The following NT5DC3 variants were observed in gnomAD, a reference collection of about 807,000 sequenced individuals.
NT5DC3 encodes 5'-nucleotidase domain containing 3, also known as 5'-nucleotidase domain-containing protein 3.
Under a neutral mutation model 67.8 loss-of-function variants are expected in NT5DC3, and 42 were observed. The ratio of observed to expected loss-of-function variants is 0.62; its 90% CI spans 0.48 to 0.80. The LOEUF is 0.80. NT5DC3 is among the 30% of genes least tolerant of loss of function. The pLI is 0.00. For synonymous variants in NT5DC3, 237 were observed against 255.6 expected (o/e 0.93, Z 0.69); for missense variants, 570 against 696.4 (o/e 0.82, Z 2.04).
chr12:103,792,494 A>T (rs1886109525), intron 9 of NT5DC3, among the ~76,000 whole-genome samples: 1 of 152,190 alleles, frequency 6.6e-6, no homozygotes, highest in Non-Finnish European at 1.5e-5. Context: ...TTAGAACCCT[A>T]GTGCAGTGAT....
the NT5DC3 span, chr12:103,758,084 T>C: frequency 5.1e-6 from 8 of 1,578,974 alleles, no homozygotes; most frequent in Middle Eastern, 1.9e-4. Flanking sequence ...TATTCACAGA[T>C]GGGTGATGCC....
At chr12:103,794,741 T>C (rs144336603) in intron 6 of NT5DC3, among the ~76,000 whole-genome samples, 1 of 152,328 alleles carries the variant, frequency 6.6e-6, no homozygotes, top group East Asian at 1.9e-4. Context: ...ACAAATAGCT[T>C]ACAAGTTCCT....
downstream of NT5DC3, chr12:103,770,849 C>T (rs1032796993): frequency 2.6e-5 from 4 of 152,228 alleles, no homozygotes; most frequent in African/African-American, 9.6e-5. Context: ...GTAAGTGAGC[C>T]TGTAAGCCTT....
chr12:103,755,689 T>C, the NT5DC3 span: 1 of 1,614,162 alleles, frequency 6.2e-7, no homozygotes, highest in Non-Finnish European at 8.5e-7. Flanking sequence ...GGTCCTGATG[T>C]CCTTCCCCTC....
chr12:103,835,980 CAG>C lies in NT5DC3; in HGVS notation c.208+4967_208+4968del, dbSNP rs1366605997. ...CGGCAGCAACAGAAAAATGAAGCAG[CAG>C]CAAAAGCGGAAACCCCTGATAAGCC... On this transcript the variant is annotated intron_variant, in intron 1 of 13. Coordinates refer to ENST00000392876, the MANE Select transcript of NT5DC3 (RefSeq NM_001031701.3). Among the ~76,000 whole-genome samples the C allele has an allele frequency of 2.6e-4, 39 of 152,252 alleles. No homozygotes were observed. In the South Asian group the frequency reaches 3.9e-3, roughly 15 times the overall value.
chr12:103,794,296 C>G (rs765914913), intron 6 of NT5DC3, among the ~76,000 whole-genome samples: 28 of 88,794 alleles, frequency 3.2e-4, no homozygotes, highest in Non-Finnish European at 6.1e-4. Flanking sequence ...ATTACAGGCG[C>G]CCGCCAGCAC....
chr12:103,826,484 G>C (rs1056742573), intron 1 of NT5DC3, among the ~76,000 whole-genome samples: 2 of 152,228 alleles, frequency 1.3e-5, no homozygotes. Flanking sequence ...GAAAGCCATT[G>C]CTGGCTTTGA....
chr12:103,754,764 T>C, the NT5DC3 span, among the ~76,000 whole-genome samples: 4 of 152,006 alleles, frequency 2.6e-5, no homozygotes, highest in Non-Finnish European at 5.9e-5. Flanking sequence ...AGCCTGATCA[T>C]GGAGAAACCC....
At chr12:103,755,339 C>T in the NT5DC3 span, 1 of 1,614,008 alleles carries the variant, frequency 6.2e-7, no homozygotes, top group Non-Finnish European at 8.5e-7. Flanking sequence ...TGGCTGGAGA[C>T]CGGGCGGGTT....
At chr12:103,755,429 A>G in the NT5DC3 span, 1 of 1,614,050 alleles carries the variant, frequency 6.2e-7, no homozygotes, top group African/African-American at 1.3e-5. Flanking sequence ...AGACCCAACA[A>G]GAGTGAAATG....
At chr12:103,748,201 A>C in the NT5DC3 span, among the ~76,000 whole-genome samples, 3 of 152,198 alleles carry the variant, frequency 2.0e-5, no homozygotes, top group Non-Finnish European at 4.4e-5. Flanking sequence ...GTCAGCATTC[A>C]ACAATGGCAA....
the NT5DC3 span, among the ~76,000 whole-genome samples, chr12:103,762,986 C>G: frequency 1.3e-5 from 2 of 152,236 alleles, no homozygotes; most frequent in Admixed American, 1.3e-4. Flanking sequence ...GGCCCACCCT[C>G]TCCTCAAAAC....
chr12:103,831,208 G>T (rs1593440572), intron 1 of NT5DC3, among the ~76,000 whole-genome samples: 2 of 152,166 alleles, frequency 1.3e-5, no homozygotes, highest in South Asian at 4.1e-4. Flanking sequence ...GTGATAGTGA[G>T]TGAGTCTCAT....
At chr12:103,792,207 T>C (rs1886097995) in intron 9 of NT5DC3, among the ~76,000 whole-genome samples, 1 of 152,216 alleles carries the variant, frequency 6.6e-6, no homozygotes, top group South Asian at 2.1e-4. Flanking sequence ...CCACAGTTTA[T>C]AGCTGTTTTT....
chr12:103,754,108 C>A, the NT5DC3 span, among the ~76,000 whole-genome samples: 43 of 152,076 alleles, frequency 2.8e-4, no homozygotes, highest in Non-Finnish European at 4.9e-4. Context: ...CTTCTCCAAC[C>A]TCCATCACTA....
chr12:103,764,840 G>A, the NT5DC3 span, among the ~76,000 whole-genome samples: 2 of 152,054 alleles, frequency 1.3e-5, no homozygotes, highest in Non-Finnish European at 1.5e-5. Context: ...GCTCATGCGT[G>A]TAATCCCAGC....
At chr12:103,793,852 C>T in intron 7 of NT5DC3, 85 bp downstream of exon 7, 1 of 1,114,458 alleles carries the variant, frequency 9.0e-7, no homozygotes, top group Non-Finnish European at 1.4e-6. Context: ...CTGCTTAGCA[C>T]CTGGAATGCA....
At chr12:103,761,596 C>G in the NT5DC3 span, among the ~76,000 whole-genome samples, 1 of 151,996 alleles carries the variant, frequency 6.6e-6, no homozygotes, top group East Asian at 1.9e-4. Flanking sequence ...ATCCCCACTC[C>G]CAAGCATTAG....
At position 103,778,049 on chromosome 12, in the gene NT5DC3, A is replaced by T. The variant is rs1406594135; in HGVS notation, c.1427T>A (p.Phe476Tyr). 1 of 1,613,780 alleles carries T rather than the reference A, an allele frequency of 6.2e-7. No individual in the cohort carries two copies. Among genetic ancestry groups the T allele is most frequent in the Admixed American group, 1.7e-5 (1 of 59,952 alleles). ...CTGGTCTGTGCGGAACAGGCTTCCA[A>T]ACTGGGCATTGAAGAAACTCTTGGT... is the stretch of plus-strand genomic sequence containing the variant. ...EMTKSFFNAQ[F>Y]GSLFRTDQNP... Residue 476 changes from phenylalanine (F) to tyrosine (Y), a missense_variant, in exon 14 of 14, where the codon TTT (phenylalanine) becomes TAT (tyrosine). Physicochemically the swap from Phe to Tyr is conservative, Grantham distance 22 (BLOSUM62 3). Around this residue, in one of 2 missense-constraint regions of NT5DC3, gnomAD observed 466 missense variants for 608.0 expected, o/e 0.77. Coordinates refer to ENST00000392876, the MANE Select transcript of NT5DC3 (RefSeq NM_001031701.3).
Sources: allele counts gnomAD v4.1 joint callset (sites outside exome capture counted in the v4.1 genomes callset), GRCh38; gene constraint gnomAD v4.1.1; regional missense constraint gnomAD v4.1.1; transcripts MANE v1.5; gene names NCBI Gene and HGNC (gene_info 2026-07-23, HGNC 2026-07-21).